The following ZNF177 variants were observed in gnomAD, a reference collection of about 807,000 sequenced individuals.
The protein encoded by ZNF177 is zinc finger protein 177.
In ZNF177, 17 loss-of-function variants were observed where a neutral mutation model predicts 19.4. That is an observed-to-expected ratio of 0.87 (90% CI 0.60 to 1.31). The LOEUF is 1.31. ZNF177 is among the 40% of genes most tolerant of loss of function. The probability of loss-of-function intolerance (pLI) is 0.00; values close to 1 mark genes in which losing one functional copy is unlikely to be tolerated. For synonymous variants in ZNF177, 220 were observed against 188.7 expected (o/e 1.17, Z -1.36); for missense variants, 633 against 561.8 (o/e 1.13, Z -1.28).
intron 5 of ZNF177, chr19:9,380,450 C>CT: frequency 1.1e-6 from 1 of 908,164 alleles, no homozygotes; most frequent in Non-Finnish European, 1.6e-6. Context: ...TAAAGAAGCC[C>CT]TTTGCTGGGA....
intron 5 of ZNF177, 109 bp downstream of exon 7, chr19:9,380,248 T>C: frequency 7.7e-7 from 1 of 1,305,902 alleles, no homozygotes; most frequent in Non-Finnish European, 1.0e-6. Context: ...GCACCAGGCT[T>C]TCACCAGAAA....
At chr19:9,364,449 G>A (rs546582758) in intron 1 of ZNF177, among the ~76,000 whole-genome samples, 1 of 152,286 alleles carries the variant, frequency 6.6e-6, no homozygotes, top group African/African-American at 2.4e-5. Flanking sequence ...AGCAATAGTG[G>A]AGGCAGAAAG....
exon 6 of ZNF177, chr19:9,381,842 G>A: frequency 6.6e-7 from 1 of 1,525,782 alleles, no homozygotes; most frequent in Non-Finnish European, 8.8e-7. Context: ...ATATATTGGA[G>A]AGAAGCCCTG....
upstream of ZNF177, chr19:9,371,685 T>C (rs907167210): frequency 2.6e-5 from 4 of 152,166 alleles, no homozygotes; most frequent in African/African-American, 9.7e-5. Flanking sequence ...AAATCTATAA[T>C]GAAATTAGAT....
chr19:9,381,699 GT>G lies in ZNF177; in HGVS notation c.1369del (p.Cys457ValfsTer12). 1 of 1,614,134 alleles carries G rather than the reference GT, an allele frequency of 6.2e-7. No individual in the cohort carries two copies. Among genetic ancestry groups the G allele is most frequent in the Non-Finnish European group, 8.5e-7 (1 of 1,180,000 alleles). On this transcript the variant is annotated frameshift_variant, in exon 6 of 6. Transcript: ENST00000589262. LOFTEE classifies it low-confidence loss of function (END_TRUNC). Reference sequence around the variant, plus strand: ...GAGAGAAGCCTTATAAATGTATTCAGTGTGAAAAAGCCTTTAGCACAAGCAC... The same window carrying G: ...GAGAGAAGCCTTATAAATGTATTCAGGTGAAAAAGCCTTTAGCACAAGCAC...
At chr19:9,370,312 C>T (rs1157872313) in intron 2 of ZNF177, among the ~76,000 whole-genome samples, 1 of 152,118 alleles carries the variant, frequency 6.6e-6, no homozygotes, top group African/African-American at 2.4e-5. Context: ...CACACATCCT[C>T]CCATAGATGC....
chr19:9,378,755 C>A, intron 2 of ZNF177: 1 of 774,212 alleles, frequency 1.3e-6, no homozygotes, highest in Non-Finnish European at 1.9e-6. Flanking sequence ...TGACCATGAC[C>A]CTGAATGAGA....
chr19:9,365,909 G>A (rs2067972488), intron 2 of ZNF177, among the ~76,000 whole-genome samples: 1 of 152,166 alleles, frequency 6.6e-6, no homozygotes, highest in South Asian at 2.1e-4. Flanking sequence ...GTCGGTCTGA[G>A]GACCTGAGGT....
At chr19:9,379,235 T>C in intron 3 of ZNF177, 147 bp downstream of exon 5, 1 of 1,333,506 alleles carries the variant, frequency 7.5e-7, no homozygotes, top group Non-Finnish European at 1.0e-6. Flanking sequence ...GTCCAGTGGC[T>C]TCCCATGAAA....
exon 5 of ZNF177, chr19:9,380,138 C>T (rs2217652): frequency 0.58 from 936,025 of 1,604,612 alleles, 276,336 homozygotes; most frequent in African/African-American, 0.73. Flanking sequence ...GGCATAAACA[C>T]GGTAAGACTT....
intron 1 of ZNF177, among the ~76,000 whole-genome samples, chr19:9,363,639 AT>A (rs1162308921): frequency 6.6e-6 from 1 of 152,150 alleles, no homozygotes; most frequent in African/African-American, 2.4e-5. Context: ...TGAATGTGTA[AT>A]TCCTAGGTAT....
chr19:9,380,353 A>G (rs896703252), intron 5 of ZNF177, among the ~76,000 whole-genome samples: 1 of 152,218 alleles, frequency 6.6e-6, no homozygotes, highest in African/African-American at 2.4e-5. Flanking sequence ...AATAACCACA[A>G]GTAAACATCT....
At chr19:9,377,078 G>T (rs2122541513) in intron 1 of ZNF177, among the ~76,000 whole-genome samples, 1 of 152,296 alleles carries the variant, frequency 6.6e-6, no homozygotes, top group East Asian at 1.9e-4. Flanking sequence ...ACTGTGTAAA[G>T]ACATTTTGGT....
Position 9,379,107 on chromosome 19 carries a change from C to T in ZNF177, c.160+19C>T. ...TCAGTAGGTAAGGCTGGCCTCATTT[C>T]TTCATTTGTTTATGTAGCAAATAGT... On this transcript the variant is annotated intron_variant, in intron 3 of 5. Coordinates refer to ENST00000589262, the Ensembl canonical transcript of ZNF177. The T allele has an allele frequency of 6.3e-7, 1 of 1,582,500 alleles. No individual in the cohort carries two copies.
At chr19:9,373,814 G>A (rs75091943), upstream of ZNF177, among the ~76,000 whole-genome samples, 3,238 of 151,332 alleles carry the variant, frequency 0.021, 111 homozygotes, top group African/African-American at 0.074. Context: ...TATGTATTTC[G>A]TAAATATTTT....
chr19:9,378,418 T>A lies in ZNF177; in HGVS notation c.33+74T>A. 3.1e-6 allele frequency: 5 copies of A among 1,591,370 alleles called. No individual in the cohort carries two copies. The East Asian group carries it at 6.9e-5, about 22-fold the overall frequency. On this transcript the variant is annotated intron_variant, in intron 2 of 5. Transcript: ENST00000589262. ...AAGAACACATCTCTTGCCCCTGACC[T>A]GAAGCTTCACAGCCCAATCTGAGCT... is the stretch of plus-strand genomic sequence containing the variant.
rs200350306 is a variant in ZNF177 at position 9,380,087 on chromosome 19, C to A, written c.284C>A (p.Thr95Lys). The stretch of plus-strand genomic sequence containing the variant: ...GAAACTCAACTTAAACCAAAAGATA[C>A]AATTGCTATGCAGAACATTCCTGGG... The change falls in exon 5 of 6, where the codon ACA (threonine) becomes AAA (lysine). Residue 95 changes from threonine (T) to lysine (K), a missense_variant. Thr to Lys is a moderately conservative substitution (Grantham distance 78). Transcript: ENST00000589262. 25 of 1,611,990 alleles carry A rather than the reference C, an allele frequency of 1.6e-5. No homozygotes were observed. In the African/African-American group the frequency reaches 1.9e-4, roughly 12 times the overall value.
chr19:9,377,562 C>T (rs977299578), intron 1 of ZNF177, among the ~76,000 whole-genome samples: 19 of 152,068 alleles, frequency 1.2e-4, no homozygotes, highest in African/African-American at 2.7e-4. Flanking sequence ...TAGATTAATG[C>T]GTATGTGTCT....
chr19:9,373,882 T>G (rs1166267156), upstream of ZNF177, among the ~76,000 whole-genome samples: 1 of 152,182 alleles, frequency 6.6e-6, no homozygotes, highest in Non-Finnish European at 1.5e-5. Flanking sequence ...TTTTGTTCAT[T>G]ATTTCCTTTG....
Sources: allele counts gnomAD v4.1 joint callset (sites outside exome capture counted in the v4.1 genomes callset), GRCh38; gene constraint gnomAD v4.1.1; transcripts MANE v1.5; gene names NCBI Gene and HGNC (gene_info 2026-07-23, HGNC 2026-07-21).